CNTN6: variants seen among roughly 807,000 people sequenced by gnomAD.
CNTN6 encodes contactin 6, also known as contactin-6.
In CNTN6, 137 loss-of-function variants were observed where a neutral mutation model predicts 122.8. The observed-to-expected ratio is 1.12, with a 90% confidence interval of 0.97 to 1.29. CNTN6 has a LOEUF of 1.29. Ranked by LOEUF, CNTN6 falls within the 50% of genes most tolerant of loss-of-function variation. The pLI is 0.00. For synonymous variants in CNTN6, 570 were observed against 426.0 expected (o/e 1.34, Z -4.16); for missense variants, 1,634 against 1,223.4 (o/e 1.34, Z -5.01).
chr3:1,268,436 T>C lies in CNTN6; in HGVS notation c.359-9977T>C, dbSNP rs540264650. ...TCCTGGTTAATGTGGTGAAACCCCG[T>C]CTCTACTAAAAATATAAAAAATTAG... On this transcript the variant is annotated intron_variant, in intron 4 of 22. Transcript: ENST00000446702. 9.2e-5 allele frequency among the ~76,000 whole-genome samples: 14 copies of C among 151,958 alleles called. No individual in the cohort carries two copies. The South Asian group carries it at 1.9e-3, about 20-fold the overall frequency.
intron 1 of CNTN6, among the ~76,000 whole-genome samples, chr3:1,119,514 G>C (rs1361334726): frequency 6.6e-6 from 1 of 151,924 alleles, no homozygotes; most frequent in East Asian, 1.9e-4. Flanking sequence ...AAATTTGAAA[G>C]AGAGCATCAT....
intron 2 of CNTN6, among the ~76,000 whole-genome samples, chr3:1,207,688 G>T (rs1202112408): frequency 6.6e-6 from 1 of 151,468 alleles, no homozygotes; most frequent in Non-Finnish European, 1.5e-5. Context: ...GAATACAAAC[G>T]CTGTCACAGA....
intron 4 of CNTN6, among the ~76,000 whole-genome samples, chr3:1,252,786 C>G (rs929073305): frequency 2.0e-5 from 3 of 152,064 alleles, no homozygotes; most frequent in Admixed American, 6.6e-5. Flanking sequence ...AATAGAGGGT[C>G]CTTCCTGCCA....
At chr3:1,104,128 G>A (rs992847095) in intron 1 of CNTN6, among the ~76,000 whole-genome samples, 1 of 152,048 alleles carries the variant, frequency 6.6e-6, no homozygotes, top group Non-Finnish European at 1.5e-5. Flanking sequence ...CACATCTGAT[G>A]CGTATTCTTG....
At chr3:1,399,207 C>G in intron 20 of CNTN6, among the ~76,000 whole-genome samples, 1 of 151,976 alleles carries the variant, frequency 6.6e-6, no homozygotes, top group Non-Finnish European at 1.5e-5. Flanking sequence ...TTTTAAAGAA[C>G]AGAGATAAAA....
chr3:1,119,020 C>A (rs1205938719), intron 1 of CNTN6, among the ~76,000 whole-genome samples: 1 of 151,956 alleles, frequency 6.6e-6, no homozygotes, highest in Non-Finnish European at 1.5e-5. Flanking sequence ...ATTCAGTGAT[C>A]CATCTCCCAT....
chr3:1,305,711 C>A (rs1487543610), intron 7 of CNTN6, among the ~76,000 whole-genome samples: 1 of 147,680 alleles, frequency 6.8e-6, no homozygotes, highest in African/African-American at 2.6e-5. Context: ...TGTCAGTGTT[C>A]TGGAATGTAA....
At chr3:1,336,156 A>G (rs1288808501) in intron 11 of CNTN6, among the ~76,000 whole-genome samples, 1 of 151,592 alleles carries the variant, frequency 6.6e-6, no homozygotes, top group Non-Finnish European at 1.5e-5. Flanking sequence ...CTTTGCCCAG[A>G]TTTCTTAAAA....
chr3:1,356,301 T>C (rs937557226), intron 12 of CNTN6, among the ~76,000 whole-genome samples: 8 of 151,866 alleles, frequency 5.3e-5, no homozygotes, highest in African/African-American at 9.7e-5. Context: ...TAGGCCTCAT[T>C]GCTTCAGTGT....
chr3:1,365,444 C>T (rs552287066), intron 12 of CNTN6, among the ~76,000 whole-genome samples: 1 of 151,846 alleles, frequency 6.6e-6, no homozygotes, highest in South Asian at 2.1e-4. Flanking sequence ...AATAAAAACA[C>T]ATATATTTTA....
At chr3:1,388,116 G>GACAA (rs781482858) in intron 20 of CNTN6, among the ~76,000 whole-genome samples, 4 of 152,148 alleles carry the variant, frequency 2.6e-5, no homozygotes, top group East Asian at 1.9e-4. Flanking sequence ...GCAGGGCACA[G>GACAA]ACAAACAAAA....
intron 5 of CNTN6, among the ~76,000 whole-genome samples, chr3:1,285,287 C>T (rs184981986): frequency 1.2e-4 from 19 of 152,130 alleles, no homozygotes; most frequent in African/African-American, 2.9e-4. Flanking sequence ...GATTTGGGAC[C>T]GAGCAACTGG....
At chr3:1,236,702 G>A (rs991601889) in intron 4 of CNTN6, among the ~76,000 whole-genome samples, 1 of 152,162 alleles carries the variant, frequency 6.6e-6, no homozygotes, top group Non-Finnish European at 1.5e-5. Flanking sequence ...GATTATGCCA[G>A]CTCACCTGCA....
intron 16 of CNTN6, 145 bp from the exon 17 acceptor site, chr3:1,376,860 C>T (rs1709938248): frequency 1.8e-6 from 1 of 549,406 alleles, no homozygotes; most frequent in South Asian, 2.8e-5. Context: ...TATGTGTAAA[C>T]ATAATTTACG....
Position 1,261,879 on chromosome 3 carries a change from T to C in CNTN6, c.359-16534T>C, listed in dbSNP as rs777313451. 1.1e-4 allele frequency among the ~76,000 whole-genome samples: 17 copies of C among 152,274 alleles called. No individual in the cohort carries two copies. The East Asian group carries it at 1.2e-3, about 10-fold the overall frequency. ...AAGAGGAGGTGTAAAAGTTCAGAGATAGCAGTTCCGGAATTTCACATTTTT... is the reference window on the plus strand; with the variant it reads ...AAGAGGAGGTGTAAAAGTTCAGAGACAGCAGTTCCGGAATTTCACATTTTT... On this transcript the variant is annotated intron_variant, in intron 4 of 22. Transcript: ENST00000446702.
chr3:1,390,124 A>G (rs1693886496), intron 20 of CNTN6, among the ~76,000 whole-genome samples: 1 of 151,552 alleles, frequency 6.6e-6, no homozygotes, highest in African/African-American at 2.4e-5. Context: ...TCAGCACCAC[A>G]CCACACCTAT....
chr3:1,168,821 G>A (rs1047567322), intron 2 of CNTN6, among the ~76,000 whole-genome samples: 4 of 152,134 alleles, frequency 2.6e-5, no homozygotes, highest in African/African-American at 7.2e-5. Flanking sequence ...AGCAAAAAAA[G>A]GGACATTCTA....
chr3:1,293,561 A>G (rs1466636959), intron 5 of CNTN6, among the ~76,000 whole-genome samples: 1 of 152,146 alleles, frequency 6.6e-6, no homozygotes, highest in Non-Finnish European at 1.5e-5. Context: ...TGTCTCTGCC[A>G]TGTCTTGCTT....
chr3:1,258,997 AC>A (rs2094803387), intron 4 of CNTN6, among the ~76,000 whole-genome samples: 1 of 152,096 alleles, frequency 6.6e-6, no homozygotes, highest in Non-Finnish European at 1.5e-5. Flanking sequence ...CCACCCATAA[AC>A]CCATTAATGT....
Sources: gnomAD v4.1 joint callset for allele counts (sites outside exome capture counted in the v4.1 genomes callset) on GRCh38, gnomAD v4.1.1 for gene constraint, MANE v1.5 for transcripts, NCBI Gene and HGNC (gene_info 2026-07-23, HGNC 2026-07-21) for gene names.